ANO4: variants seen among roughly 807,000 people sequenced by gnomAD.
ANO4 encodes anoctamin 4.
In ANO4, 69 loss-of-function variants were observed where a neutral mutation model predicts 141.9. The ratio of observed to expected loss-of-function variants is 0.49; its 90% CI spans 0.40 to 0.59. The LOEUF (loss-of-function observed/expected upper bound fraction) is 0.59. Among genes scored for constraint, ANO4 ranks in the 20% least tolerant of loss-of-function variants. The pLI is 0.00. For synonymous variants in ANO4, 350 were observed against 394.3 expected (o/e 0.89, Z 1.33); for missense variants, 894 against 1,162.2 (o/e 0.77, Z 3.36).
chr12:101,036,743 AAATG>A (rs1474350631), intron 9 of ANO4, among the ~76,000 whole-genome samples: 4 of 152,214 alleles, frequency 2.6e-5, no homozygotes, highest in African/African-American at 9.6e-5. Flanking sequence ...TTCATTTATA[AAATG>A]AATGAGTTCT....
chr12:100,850,601 G>A (rs2037811558), intron 1 of ANO4, among the ~76,000 whole-genome samples: 1 of 152,082 alleles, frequency 6.6e-6, no homozygotes, highest in Non-Finnish European at 1.5e-5. Context: ...GAGACTGGCA[G>A]AACCTAGGAT....
chr12:100,926,997 T>C (rs1334821536), intron 3 of ANO4, among the ~76,000 whole-genome samples: 3 of 152,076 alleles, frequency 2.0e-5, no homozygotes, highest in Admixed American at 2.0e-4. Context: ...AGTCTCATCT[T>C]CCTGTTTCTT....
chr12:100,986,458 C>A (rs576982666), intron 7 of ANO4, among the ~76,000 whole-genome samples: 1 of 152,124 alleles, frequency 6.6e-6, no homozygotes, highest in Non-Finnish European at 1.5e-5. Flanking sequence ...ACTAAGTCTA[C>A]AAACTCAAAC....
At chr12:100,781,491 G>C (rs558673435) in intron 3 of ANO4, among the ~76,000 whole-genome samples, 14 of 152,164 alleles carry the variant, frequency 9.2e-5, no homozygotes, top group Middle Eastern at 3.4e-3. Flanking sequence ...TAGTCCCCCT[G>C]CTTTGGATTC....
At chr12:100,767,265 A>G (rs1171867425) in intron 3 of ANO4, among the ~76,000 whole-genome samples, 2 of 151,892 alleles carry the variant, frequency 1.3e-5, no homozygotes, top group African/African-American at 4.8e-5. Flanking sequence ...ACTGTTTTGT[A>G]GTTTCTTTGT....
At chr12:101,069,167 G>T (rs2048711021) in intron 14 of ANO4, 2 of 1,323,020 alleles carry the variant, frequency 1.5e-6, no homozygotes, top group Admixed American at 1.7e-5. Flanking sequence ...GTCTGAACTG[G>T]AAATAAAACA....
intron 11 of ANO4, 45 bp downstream of exon 11, chr12:101,040,121 T>C (rs896309104): frequency 6.5e-7 from 1 of 1,550,176 alleles, no homozygotes; most frequent in African/African-American, 1.4e-5. Flanking sequence ...CACAGAATGA[T>C]TAGGGCAGAC....
intron 22 of ANO4, among the ~76,000 whole-genome samples, chr12:101,101,116 A>G (rs907187405): frequency 1.1e-4 from 17 of 152,180 alleles, no homozygotes; most frequent in Non-Finnish European, 1.9e-4. Flanking sequence ...TTTCTAGAAA[A>G]TGTTGCTACC....
At chr12:101,068,187 G>C (rs141594371) in intron 14 of ANO4, 1 of 1,218,256 alleles carries the variant, frequency 8.2e-7, no homozygotes, top group East Asian at 3.2e-5. Flanking sequence ...CATAGGAGTG[G>C]AGTGGTTGTC....
At chr12:100,963,200 G>T (rs1173193938) in intron 5 of ANO4, among the ~76,000 whole-genome samples, 1 of 152,142 alleles carries the variant, frequency 6.6e-6, no homozygotes, top group Non-Finnish European at 1.5e-5. Context: ...GAAGAGAGGT[G>T]TGGGCCAAAG....
intron 25 of ANO4, among the ~76,000 whole-genome samples, chr12:101,119,094 C>T (rs2050975835): frequency 1.3e-5 from 2 of 152,034 alleles, no homozygotes. Flanking sequence ...ATCTGTGCCA[C>T]ATTTTCTTAA....
chr12:100,947,021 CAG>C (rs1385187148), intron 5 of ANO4, among the ~76,000 whole-genome samples: 2 of 152,046 alleles, frequency 1.3e-5, no homozygotes, highest in African/African-American at 2.4e-5. Context: ...GTGGAGAAGT[CAG>C]GGGTGAAAGC....
intron 5 of ANO4, among the ~76,000 whole-genome samples, chr12:100,949,186 C>T (rs538389142): frequency 6.6e-6 from 1 of 152,334 alleles, no homozygotes; most frequent in Non-Finnish European, 1.5e-5. Context: ...TACATCATAG[C>T]CTGGTGAGAC....
At chr12:100,738,218 G>C (rs2135462427) in intron 2 of ANO4, among the ~76,000 whole-genome samples, 1 of 152,232 alleles carries the variant, frequency 6.6e-6, no homozygotes, top group East Asian at 1.9e-4. Context: ...GGGACATGAT[G>C]GTGGGTGAGG....
At chr12:100,743,272 A>T (rs898222093) in intron 3 of ANO4, among the ~76,000 whole-genome samples, 1 of 150,412 alleles carries the variant, frequency 6.6e-6, no homozygotes, top group Non-Finnish European at 1.5e-5. Flanking sequence ...AAAATATTTT[A>T]AAATATATAT....
intron 8 of ANO4, among the ~76,000 whole-genome samples, chr12:101,011,312 TTTTTTC>T (rs1214505377): frequency 0.065 from 304 of 4,676 alleles, no homozygotes; most frequent in African/African-American, 0.32. Context: ...AATCATGGCC[TTTTTTC>T]TTTTTTTTTT....
upstream of ANO4, among the ~76,000 whole-genome samples, chr12:100,793,101 CAAG>C (rs1342714663): frequency 6.6e-6 from 1 of 152,126 alleles, no homozygotes; most frequent in Non-Finnish European, 1.5e-5. Flanking sequence ...GTTGAAATTT[CAAG>C]AAGAAGATTT....
At chr12:100,945,261 A>G (rs556306898) in intron 5 of ANO4, among the ~76,000 whole-genome samples, 2 of 152,328 alleles carry the variant, frequency 1.3e-5, no homozygotes, top group South Asian at 2.1e-4. Flanking sequence ...ATTTCAAGAA[A>G]CACAACTAGG....
chr12:100,921,931 A>T (rs1431516814), intron 2 of ANO4, among the ~76,000 whole-genome samples: 1 of 152,146 alleles, frequency 6.6e-6, no homozygotes, highest in Non-Finnish European at 1.5e-5. Flanking sequence ...AGGCTATGTT[A>T]TATTTTTTAC....
Sources: gnomAD v4.1 joint callset for allele counts (sites outside exome capture counted in the v4.1 genomes callset) on GRCh38, gnomAD v4.1.1 for gene constraint, MANE v1.5 for transcripts, NCBI Gene and HGNC (gene_info 2026-07-23, HGNC 2026-07-21) for gene names.